GHSR: variants seen among roughly 807,000 people sequenced by gnomAD.
GHSR encodes growth hormone secretagogue receptor.
GHSR carries 17 observed loss-of-function variants against 24.0 expected under a neutral mutation model. The ratio of observed to expected loss-of-function variants is 0.71; its 90% CI spans 0.49 to 1.06. GHSR has a LOEUF of 1.06. GHSR is among the 50% of genes least tolerant of loss of function. The pLI, the probability that GHSR is intolerant of heterozygous loss-of-function variation, is 0.00. For missense variants in GHSR, 504 were observed against 483.1 expected (o/e 1.04, Z -0.41); for synonymous variants, 238 against 208.1 (o/e 1.14, Z -1.24).
chr3:172,447,109 T>C (rs1293283543), intron 1 of GHSR, among the ~76,000 whole-genome samples: 1 of 152,264 alleles, frequency 6.6e-6, no homozygotes, highest in Non-Finnish European at 1.5e-5. Flanking sequence ...GCTGAACGCT[T>C]TCTAGATCCA....
chr3:172,446,570 T>G (rs934583721), intron 1 of GHSR, among the ~76,000 whole-genome samples: 3 of 152,214 alleles, frequency 2.0e-5, no homozygotes, highest in Non-Finnish European at 4.4e-5. Flanking sequence ...AAATATGCCA[T>G]TAAGTATGAA....
Position 172,445,152 on chromosome 3 carries a change from T to C in GHSR, c.*9A>G. 2.5e-6 allele frequency: 4 copies of C among 1,614,024 alleles called. No individual in the cohort carries two copies. The highest frequency in any genetic ancestry group is 3.4e-6 in the Non-Finnish European group (4 of 1,179,908). On this transcript the variant is annotated 3_prime_UTR_variant, in exon 2 of 2. Transcript: ENST00000241256. ...TAATAAGCGGTGACTGTACTCGCAATGTGCTAGGTCATGTATTAATACTAG... is the reference window on the plus strand; with the variant it reads ...TAATAAGCGGTGACTGTACTCGCAACGTGCTAGGTCATGTATTAATACTAG...
rs1462953336 is a variant in GHSR at position 172,444,585 on chromosome 3, T to C, written c.*576A>G. Among the ~76,000 whole-genome samples the C allele has an allele frequency of 2.1e-5, 3 of 139,722 alleles. No homozygotes were observed. Among genetic ancestry groups the C allele is most frequent in the Non-Finnish European group, 4.9e-5 (3 of 61,250 alleles). 91.7% of individuals were successfully genotyped at this position (139,722 alleles called of 152,430 possible). On this transcript the variant is annotated 3_prime_UTR_variant, in exon 2 of 2. Transcript: ENST00000241256. ...TACCAATGAAAACTTAGTGTCCAAA[T>C]TGAGGGTTTCTGTAAGTGTAAAAAG...
In GHSR at chr3:172,445,249, A is replaced by G. The variant is rs773782120; in HGVS notation, c.1013T>C (p.Leu338Pro). ...TCTCTGGGAGAAGGGTTCGAATCCC[A>G]GAAGTCTGAACACTGCCACCCGGTA... ...KKYRVAVFRLLGFEPFSQRKL... is the reference protein window; with the variant it reads ...KKYRVAVFRLPGFEPFSQRKL... Residue 338 changes from leucine to proline, a missense_variant, in exon 2 of 2, where the codon CTG (leucine) becomes CCG (proline). Leu to Pro is a moderately conservative substitution (Grantham distance 98, BLOSUM62 -3). Coordinates refer to ENST00000241256, the MANE Select transcript of GHSR (RefSeq NM_198407.2). The G allele has an allele frequency of 2.5e-6, 4 of 1,614,144 alleles. No homozygotes were observed. The highest frequency in any genetic ancestry group is 3.4e-6 in the Non-Finnish European group (4 of 1,180,018).
intron 1 of GHSR, among the ~76,000 whole-genome samples, chr3:172,447,199 A>G (rs1277559754): frequency 6.6e-6 from 1 of 152,234 alleles, no homozygotes; most frequent in Non-Finnish European, 1.5e-5. Context: ...TTTAACGCTT[A>G]AAGACCACAA....
chr3:172,448,408 C>T lies in GHSR; in HGVS notation c.6G>A (p.Trp2Ter), dbSNP rs267606843. ...CCGGCTCTTCGCTGGGCGTCGCGTT[C>T]CACATGCTGCCGGCTCAGCTGAACA... M[W>*]NATPSEEPGF... Residue 2 changes from tryptophan (W) to a stop codon, truncating the protein, a stop_gained, in exon 1 of 2, where the codon TGG becomes TGA. Coordinates refer to ENST00000241256, the MANE Select transcript of GHSR (RefSeq NM_198407.2). LOFTEE classifies it high-confidence loss of function. This position sits in a 1 kb window ranked among gnomAD's most constrained non-coding sequence, Gnocchi z 4.8. 1 of 1,591,574 alleles carries T rather than the reference C, an allele frequency of 6.3e-7. No homozygotes were observed. The highest frequency in any genetic ancestry group is 2.3e-5 in the East Asian group (1 of 44,240).
In GHSR at chr3:172,445,381, G is replaced by A. The variant is rs199573037; in HGVS notation, c.881C>T (p.Ser294Phe). 4 of 1,614,182 alleles carry A rather than the reference G, an allele frequency of 2.5e-6. No homozygotes were observed. Among genetic ancestry groups the A allele is most frequent in the Non-Finnish European group, 3.4e-6 (4 of 1,180,034 alleles). The change falls in exon 2 of 2, where the codon TCC (serine) becomes TTC (phenylalanine). Residue 294 changes from serine (S) to phenylalanine (F), a missense_variant. Physicochemically the swap from Ser to Phe is radical, Grantham distance 155. Transcript: ENST00000241256. ...CTGGCTGATCTGAGCAATCTCCAAGGAGCCAGGCTCAAAGGATTTGGAAAA... is the reference window on the plus strand; with the variant it reads ...CTGGCTGATCTGAGCAATCTCCAAGAAGCCAGGCTCAAAGGATTTGGAAAA... Reference protein sequence around the residue: ...YLFSKSFEPGSLEIAQISQYC... With the variant: ...YLFSKSFEPGFLEIAQISQYC...
intron 1 of GHSR, 86 bp downstream of exon 1, chr3:172,447,532 A>G: frequency 6.4e-7 from 1 of 1,568,562 alleles, no homozygotes; most frequent in Non-Finnish European, 8.6e-7. Flanking sequence ...AGGGGGAAAT[A>G]GAGATGGAGA....
At position 172,443,919 on chromosome 3, in the gene GHSR, G is replaced by T. The variant is rs1390370480; in HGVS notation, c.*1242C>A. Among the ~76,000 whole-genome samples, 2 of 152,100 alleles carry T rather than the reference G, an allele frequency of 1.3e-5. No homozygotes were observed. The highest frequency in any genetic ancestry group is 2.9e-5 in the Non-Finnish European group (2 of 67,986). On this transcript the variant is annotated 3_prime_UTR_variant, in exon 2 of 2. Coordinates refer to ENST00000241256, the MANE Select transcript of GHSR (RefSeq NM_198407.2). ...TATCAATAAGCAGTAGCATTTAGGG[G>T]ATTCTCAGTTTTTCACATAAGCCTG...
chr3:172,447,458 GAAT>G, intron 1 of GHSR, 157 bp downstream of exon 1: 9 of 1,447,010 alleles, frequency 6.2e-6, no homozygotes, highest in Non-Finnish European at 7.4e-6. Flanking sequence ...CAAGAGGAGA[GAAT>G]AATTGAGAGA....
chr3:172,448,242 T>C lies in GHSR; in HGVS notation c.172A>G (p.Ile58Val), dbSNP rs750026836. ...ATCVALFVVG[I>V]AGNLLTMLVV... ...AGCATGGTGAGCAGGTTGCCAGCGA[T>C]GCCCACCACGAAGAGTGCCACGCAG... The change falls in exon 1 of 2, where the codon ATC (isoleucine) becomes GTC (valine). Residue 58 changes from isoleucine to valine, a missense_variant. Transcript: ENST00000241256. This position sits in a 1 kb window ranked among gnomAD's most constrained non-coding sequence, Gnocchi z 4.8. 8 of 1,613,970 alleles carry C rather than the reference T, an allele frequency of 5.0e-6. No homozygotes were observed. The South Asian group carries it at 7.7e-5, about 16-fold the overall frequency.
At position 172,447,899 on chromosome 3, in the gene GHSR, A is replaced by G. The variant is rs779142853; in HGVS notation, c.515T>C (p.Phe172Ser). Residue 172 changes from phenylalanine to serine, a missense_variant, in exon 1 of 2, where the codon TTC becomes TCC. Physicochemically the swap from Phe to Ser is radical, Grantham distance 155. Coordinates refer to ENST00000241256, the MANE Select transcript of GHSR (RefSeq NM_198407.2). ...LVIFVIWAVA[F>S]CSAGPIFVLV... ...CACGAAGATGGGCCCGGCGCTGCAG[A>G]AGGCCACGGCCCAGATGACGAAGAT... The G allele has an allele frequency of 7.4e-6, 12 of 1,612,964 alleles. No individual in the cohort carries two copies. The highest frequency in any genetic ancestry group is 1.0e-5 in the Non-Finnish European group (12 of 1,179,046).
rs1352866370 is a variant in GHSR at position 172,447,699 on chromosome 3, G to A, written c.715C>T (p.Leu239=). 1.9e-6 allele frequency: 3 copies of A among 1,614,122 alleles called. No homozygotes were observed. Among genetic ancestry groups the A allele is most frequent in the Non-Finnish European group, 2.5e-6 (3 of 1,180,034 alleles). ...GCATCGCCGCGCCTCCTCCGCCACA[G>A]CTTCCTGCCGATGAGACTGTAGAGG... The part of the protein sequence containing the change: ...TVLYSLIGRK[L]WRRRRGDAVV... The change falls in exon 1 of 2, where the codon CTG becomes TTG. Residue 239 remains leucine (L), a synonymous_variant. Coordinates refer to ENST00000241256, the MANE Select transcript of GHSR (RefSeq NM_198407.2).
chr3:172,445,291 T>C lies in GHSR; in HGVS notation c.971A>G (p.Asn324Ser). ...LSAAINPILY[N>S]IMSKKYRVAV... ...CACCCGGTACTTCTTGGACATGATGTTGTACAGAATGGGGTTGATGGCAGC... is the reference window on the plus strand; with the variant it reads ...CACCCGGTACTTCTTGGACATGATGCTGTACAGAATGGGGTTGATGGCAGC... The change falls in exon 2 of 2, where the codon AAC (asparagine) becomes AGC (serine). Residue 324 changes from asparagine (N) to serine (S), a missense_variant. Asn to Ser is a conservative substitution (Grantham distance 46). Transcript: ENST00000241256. 6.2e-7 allele frequency: 1 copy of C among 1,614,074 alleles called. No homozygotes were observed. The highest frequency in any genetic ancestry group is 8.5e-7 in the Non-Finnish European group (1 of 1,180,012).
chr3:172,447,512 G>A (rs1169208826), intron 1 of GHSR, 106 bp downstream of exon 1: 11 of 1,540,258 alleles, frequency 7.1e-6, no homozygotes, highest in Non-Finnish European at 9.6e-6. Flanking sequence ...GAAGAAAGAG[G>A]TAGCGACTCA....
At chr3:172,446,257 T>A (rs754233895) in intron 1 of GHSR, among the ~76,000 whole-genome samples, 1 of 152,330 alleles carries the variant, frequency 6.6e-6, no homozygotes, top group Middle Eastern at 3.4e-3. Context: ...GAGACACCAA[T>A]GAAGAAATTA....
chr3:172,447,447 G>A (rs1737489791), intron 1 of GHSR, 171 bp downstream of exon 1: 1 of 1,393,026 alleles, frequency 7.2e-7, no homozygotes, highest in Non-Finnish European at 9.6e-7. Flanking sequence ...ACTCAAGAAA[G>A]CAAGAGGAGA....
At position 172,447,664 on chromosome 3, in the gene GHSR, A is replaced by C. The variant is rs1576993170; in HGVS notation, c.750T>G (p.Gly250=). 6.2e-7 allele frequency: 1 copy of C among 1,614,030 alleles called. No individual in the cohort carries two copies. Among genetic ancestry groups the C allele is most frequent in the Non-Finnish European group, 8.5e-7 (1 of 1,180,010 alleles). The part of the protein sequence containing the change: ...WRRRRGDAVV[G]ASLRDQNHKQ... Reference sequence around the variant, plus strand: ...TGTGGTTCTGGTCCCTGAGCGAGGCACCCACGACAGCATCGCCGCGCCTCC... The same window carrying C: ...TGTGGTTCTGGTCCCTGAGCGAGGCCCCCACGACAGCATCGCCGCGCCTCC... Residue 250 remains glycine, a synonymous_variant, in exon 1 of 2, where the codon GGT becomes GGG. Transcript: ENST00000241256.
Position 172,444,078 on chromosome 3 carries a change from C to G in GHSR, c.*1083G>C, listed in dbSNP as rs925830346. On this transcript the variant is annotated 3_prime_UTR_variant, in exon 2 of 2. Coordinates refer to ENST00000241256, the MANE Select transcript of GHSR (RefSeq NM_198407.2). ...AAAATTTTTGTTAAGCCATATGAGGCAGTTTGTGATTACCCATAATTGTTT... is the reference window on the plus strand; with the variant it reads ...AAAATTTTTGTTAAGCCATATGAGGGAGTTTGTGATTACCCATAATTGTTT... Among the ~76,000 whole-genome samples, 1 of 152,110 alleles carries G rather than the reference C, an allele frequency of 6.6e-6. No individual in the cohort carries two copies. Among genetic ancestry groups the G allele is most frequent in the African/African-American group, 2.4e-5 (1 of 41,440 alleles).
Sources: gnomAD v4.1 joint callset for allele counts (sites outside exome capture counted in the v4.1 genomes callset) on GRCh38, gnomAD v4.1.1 for gene constraint, Gnocchi (gnomAD v3.1) non-coding constraint, MANE v1.5 for transcripts, NCBI Gene and HGNC (gene_info 2026-07-23, HGNC 2026-07-21) for gene names.